Variants in PRDM15 observed in about 807,000 individuals in gnomAD.
PRDM15 encodes the protein PR domain zinc finger protein 15.
Under a neutral mutation model 128.6 loss-of-function variants are expected in PRDM15, and 64 were observed. The ratio of observed to expected loss-of-function variants is 0.50; its 90% CI spans 0.41 to 0.61. The LOEUF is 0.61. Among genes scored for constraint, PRDM15 ranks in the 20% least tolerant of loss-of-function variants. The probability of loss-of-function intolerance (pLI) is 0.00; values close to 1 mark genes in which losing one functional copy is unlikely to be tolerated. For missense variants in PRDM15, 1,242 were observed against 1,569.1 expected (o/e 0.79, Z 3.52); for synonymous variants, 615 against 621.8 (o/e 0.99, Z 0.16).
chr21:41,805,313 G>A (rs1329104163), intron 21 of PRDM15, among the ~76,000 whole-genome samples: 3 of 152,216 alleles, frequency 2.0e-5, no homozygotes, highest in Non-Finnish European at 4.4e-5. Flanking sequence ...AGCCGAACGT[G>A]ATAAAGGGGA....
intron 21 of PRDM15, among the ~76,000 whole-genome samples, chr21:41,806,126 T>TCAC (rs2061584992): frequency 2.8e-4 from 1 of 3,542 alleles, no homozygotes; most frequent in South Asian, 0.011. Flanking sequence ...ACCACCACCA[T>TCAC]CACCACCACC....
Position 41,861,514 on chromosome 21 carries a change from C to G in PRDM15, c.-9-1142G>C, listed in dbSNP as rs1472136677. On this transcript the variant is annotated intron_variant, in intron 1 of 23. Coordinates refer to ENST00000398548, the MANE Select transcript of PRDM15 (RefSeq NM_001040424.3). ...GTGAGATACACACAGTATGTGCCAC[C>G]AAATGATTATTCCTCCTCTGCCCCC... is the stretch of plus-strand genomic sequence containing the variant. 2.0e-6 allele frequency: 3 copies of G among 1,471,972 alleles called. No homozygotes were observed. The South Asian group carries it at 3.8e-5, about 19-fold the overall frequency. 91.2% of individuals were successfully genotyped at this position (1,471,972 alleles called of 1,614,324 possible).
chr21:41,818,320 C>G (rs1268735622), intron 18 of PRDM15, among the ~76,000 whole-genome samples: 1 of 152,264 alleles, frequency 6.6e-6, no homozygotes, highest in Admixed American at 6.5e-5. Context: ...GACATTGCTA[C>G]TGACATTCCG....
At chr21:41,818,756 A>G (rs1179709128) in intron 18 of PRDM15, among the ~76,000 whole-genome samples, 1 of 152,188 alleles carries the variant, frequency 6.6e-6, no homozygotes, top group African/African-American at 2.4e-5. Flanking sequence ...CTGCTGCTCC[A>G]AAACTTTTAG....
At chr21:41,823,727 T>C (rs1020705348) in intron 13 of PRDM15, among the ~76,000 whole-genome samples, 1 of 152,260 alleles carries the variant, frequency 6.6e-6, no homozygotes, top group African/African-American at 2.4e-5. Flanking sequence ...GCTCCATTTT[T>C]TTAAGCCCAT....
chr21:41,818,488 G>T (rs559518093), intron 18 of PRDM15, among the ~76,000 whole-genome samples: 2 of 151,886 alleles, frequency 1.3e-5, no homozygotes, highest in Non-Finnish European at 2.9e-5. Context: ...CCGTCCTTGC[G>T]CAAAGTTACC....
chr21:41,802,484 G>A (rs1253984438), intron 23 of PRDM15, among the ~76,000 whole-genome samples: 1 of 152,196 alleles, frequency 6.6e-6, no homozygotes, highest in African/African-American at 2.4e-5. Flanking sequence ...CAACATGCTA[G>A]AATATATGTT....
chr21:41,878,323 G>A (rs78434055), intron 1 of PRDM15, among the ~76,000 whole-genome samples: 1,578 of 152,362 alleles, frequency 0.01, 12 homozygotes, highest in Middle Eastern at 0.027. Flanking sequence ...TTGGGGACTT[G>A]GGGGTGAGGG....
At chr21:41,813,923 T>C (rs550060752) in intron 19 of PRDM15, 3 of 149,794 alleles carry the variant, frequency 2.0e-5, no homozygotes, top group East Asian at 4.0e-4. Context: ...TCTAGTGTTT[T>C]ATAAGATCTT....
At chr21:41,867,051 C>T (rs1257582271) in intron 1 of PRDM15, among the ~76,000 whole-genome samples, 1 of 152,144 alleles carries the variant, frequency 6.6e-6, no homozygotes, top group Admixed American at 6.5e-5. Flanking sequence ...GGGTGACCTC[C>T]CCAGACAGGG....
intron 1 of PRDM15, among the ~76,000 whole-genome samples, chr21:41,866,293 A>G (rs2064005314): frequency 6.6e-6 from 1 of 152,278 alleles, no homozygotes; most frequent in South Asian, 2.1e-4. Context: ...CTGGAGGAGA[A>G]ATTTTACATG....
intron 1 of PRDM15, among the ~76,000 whole-genome samples, chr21:41,875,330 G>A (rs974626379): frequency 6.6e-6 from 1 of 152,286 alleles, no homozygotes; most frequent in African/African-American, 2.4e-5. Context: ...CGCCCTGCCA[G>A]GCCCCGGACG....
Position 41,806,522 on chromosome 21 carries a change from T to G in PRDM15, c.2653-1908A>C, listed in dbSNP as rs201695926. Among the ~76,000 whole-genome samples, 6 of 45,278 alleles carry G rather than the reference T, an allele frequency of 1.3e-4. 1 individual carries two copies. Among genetic ancestry groups the G allele is most frequent in the African/African-American group, 2.5e-4 (2 of 7,920 alleles). The allele number at this position is 45,278 out of a possible 152,430, so 29.7% of individuals were successfully genotyped here. A position where few individuals can be genotyped will look rare whatever the true frequency, so the allele number is the denominator to read the frequency against. The stretch of plus-strand genomic sequence containing the variant: ...ACCACCATCACCATCACCACCACCA[T>G]CACCACCACCATCACTACCACCAAC... On this transcript the variant is annotated intron_variant, in intron 21 of 23. Coordinates refer to ENST00000398548, the MANE Select transcript of PRDM15 (RefSeq NM_001040424.3).
At position 41,811,262 on chromosome 21, in the gene PRDM15, C is replaced by A. The variant is rs866455648; in HGVS notation, c.2393-426G>T. The A allele has an allele frequency of 2.8e-5, 5 of 178,048 alleles. No individual in the cohort carries two copies. Among genetic ancestry groups the A allele is most frequent in the Non-Finnish European group, 6.1e-5 (5 of 82,194 alleles). 11.0% of individuals were successfully genotyped at this position (178,048 alleles called of 1,614,324 possible). On this transcript the variant is annotated intron_variant, in intron 19 of 23. Coordinates refer to ENST00000398548, the MANE Select transcript of PRDM15 (RefSeq NM_001040424.3). The surrounding 1 kb of genome is among the most constrained non-coding windows in gnomAD (Gnocchi z 4.1). ...GGACCAATGGCAAGGAGGACACAGA[C>A]GAGCCAAGCGTAAAAGACAACAGAA...
intron 1 of PRDM15, chr21:41,867,389 G>A (rs2064048977): frequency 1.2e-6 from 2 of 1,605,350 alleles, no homozygotes; most frequent in Admixed American, 3.3e-5. Context: ...TGAAAGCAGT[G>A]AAAGGAAAGC....
chr21:41,810,217 C>G lies in PRDM15; in HGVS notation c.2589G>C (p.Leu863=). ...HDKVEAQSCQ[L]CGTKVSTRAS... ...CCCTGGTGGACACCTTGGTCCCGCA[C>G]AGCTGGCAGCTCTGCGCCTCCACCT... is the stretch of plus-strand genomic sequence containing the variant. Residue 863 remains leucine (L), a synonymous_variant, in exon 21 of 24, where the codon CTG becomes CTC. Transcript: ENST00000398548. This position sits in a 1 kb window ranked among gnomAD's most constrained non-coding sequence, Gnocchi z 6.4. The G allele has an allele frequency of 1.2e-6, 2 of 1,613,066 alleles. No individual in the cohort carries two copies. The highest frequency in any genetic ancestry group is 1.1e-5 in the South Asian group (1 of 90,998).
chr21:41,816,127 G>A (rs1448832435), intron 18 of PRDM15, among the ~76,000 whole-genome samples: 1 of 152,252 alleles, frequency 6.6e-6, no homozygotes, highest in African/African-American at 2.4e-5. Context: ...TTCCCTGCGT[G>A]CCCATGGCAA....
intron 1 of PRDM15, chr21:41,870,529 G>GA (rs2064173041): frequency 6.6e-6 from 1 of 152,194 alleles, no homozygotes; most frequent in Admixed American, 6.5e-5. Context: ...GAACCATCCT[G>GA]AAAAATGCTG....
intron 17 of PRDM15, 91 bp from the exon 18 acceptor site, chr21:41,819,792 C>T (rs1232399645): frequency 1.4e-5 from 21 of 1,489,186 alleles, no homozygotes; most frequent in Non-Finnish European, 1.8e-5. Context: ...GGCCCAGCCT[C>T]CCCAGCAGCT....
Sources: allele counts gnomAD v4.1 joint callset (sites outside exome capture counted in the v4.1 genomes callset), GRCh38; gene constraint gnomAD v4.1.1; non-coding constraint Gnocchi (gnomAD v3.1); transcripts MANE v1.5; gene names NCBI Gene and HGNC (gene_info 2026-07-23, HGNC 2026-07-21).